CYP4V2: variants seen among roughly 807,000 people sequenced by gnomAD.
CYP4V2 encodes the protein cytochrome P450 family 4 subfamily V member 2.
In CYP4V2, 55 loss-of-function variants were observed where a neutral mutation model predicts 60.8. That is an observed-to-expected ratio of 0.90 (90% confidence interval 0.73 to 1.13). The LOEUF is 1.13. Ranked by LOEUF, CYP4V2 falls within the 50% of genes most tolerant of loss-of-function variation. The pLI, the probability that CYP4V2 is intolerant of heterozygous loss-of-function variation, is 0.00. For missense variants in CYP4V2, 675 were observed against 662.9 expected (o/e 1.02, Z -0.20); for synonymous variants, 239 against 236.8 (o/e 1.01, Z -0.08).
Position 186,195,820 on chromosome 4 carries a change from G to A in CYP4V2, c.328-183G>A, listed in dbSNP as rs530475126. 6.6e-6 allele frequency among the ~76,000 whole-genome samples: 1 copy of A among 152,218 alleles called. No homozygotes were observed. Among genetic ancestry groups the A allele is most frequent in the East Asian group, 1.9e-4 (1 of 5,184 alleles). ...CTCCATTGAGTCCCCAAGACTGAAT[G>A]CCAGTTTTATGTTCAAAACTCTAAC... is the stretch of plus-strand genomic sequence containing the variant. On this transcript the variant is annotated intron_variant, in intron 2 of 10. Coordinates refer to ENST00000378802, the MANE Select transcript of CYP4V2 (RefSeq NM_207352.4). This position sits in a 1 kb window ranked among gnomAD's most constrained non-coding sequence, Gnocchi z 4.1.
intron 8 of CYP4V2, among the ~76,000 whole-genome samples, 167 bp from the exon 9 acceptor site, chr4:186,208,698 A>G (rs553120670): frequency 6.6e-6 from 1 of 151,678 alleles, no homozygotes; most frequent in African/African-American, 2.4e-5. Context: ...TTTGATGGGC[A>G]TTTGATGGGT....
At chr4:186,200,295 A>G (rs1579966908) in intron 6 of CYP4V2, among the ~76,000 whole-genome samples, 2 of 152,294 alleles carry the variant, frequency 1.3e-5, no homozygotes, top group East Asian at 3.9e-4. Context: ...CTGGTAGGAA[A>G]AGAAGGTTGA....
intron 4 of CYP4V2, 42 bp downstream of exon 4, chr4:186,197,172 G>A (rs928525124): frequency 1.6e-5 from 25 of 1,606,420 alleles, no homozygotes; most frequent in Admixed American, 5.0e-5. Flanking sequence ...GGCATAAAGA[G>A]AAAATGGCCC....
chr4:186,211,652 G>C lies in CYP4V2; in HGVS notation c.*1011G>C, dbSNP rs1579979352. On this transcript the variant is annotated 3_prime_UTR_variant, in exon 11 of 11. Coordinates refer to ENST00000378802, the MANE Select transcript of CYP4V2 (RefSeq NM_207352.4). ...TTTTAAAGGTATTCATGGTGACTCA[G>C]GAATACACACATACACACACACACA... 1 of 70,554 alleles carries C rather than the reference G, an allele frequency of 1.4e-5. No homozygotes were observed. Among genetic ancestry groups the C allele is most frequent in the East Asian group, 4.6e-4 (1 of 2,196 alleles). 4.4% of individuals were successfully genotyped at this position (70,554 alleles called of 1,614,324 possible).
intron 10 of CYP4V2, 118 bp from the exon 11 acceptor site, chr4:186,210,351 T>C: frequency 1.5e-6 from 2 of 1,325,646 alleles, no homozygotes; most frequent in Non-Finnish European, 2.1e-6. Flanking sequence ...GCCATTCTGG[T>C]TCTCCTTCCA....
At chr4:186,199,511 T>G (rs1032638458) in intron 6 of CYP4V2, among the ~76,000 whole-genome samples, 3 of 152,172 alleles carry the variant, frequency 2.0e-5, no homozygotes, top group African/African-American at 7.2e-5. Context: ...AGGTGATCTA[T>G]CAACACATAA....
At chr4:186,193,177 C>T (rs1186098153) in intron 1 of CYP4V2, among the ~76,000 whole-genome samples, 1 of 152,176 alleles carries the variant, frequency 6.6e-6, no homozygotes, top group East Asian at 1.9e-4. Context: ...GCAGAGCTAA[C>T]CACCCCTTTT....
At chr4:186,209,051 A>G (rs1246007474) in intron 9 of CYP4V2, 42 bp from the exon 10 acceptor site, 5 of 1,613,952 alleles carry the variant, frequency 3.1e-6, no homozygotes, top group Admixed American at 1.7e-5. Flanking sequence ...TCTAATGTCT[A>G]CCTTGCTCCG....
chr4:186,213,348 T>A lies in CYP4V2; in HGVS notation c.*2707T>A, dbSNP rs1306267214. ...AAATAAATTCTATTTTAGATGCAGGTACTGCATTTTATTCTAAGAATTGAT... is the reference window on the plus strand; with the variant it reads ...AAATAAATTCTATTTTAGATGCAGGAACTGCATTTTATTCTAAGAATTGAT... On this transcript the variant is annotated 3_prime_UTR_variant, in exon 11 of 11. Transcript: ENST00000378802. 3.3e-5 allele frequency: 5 copies of A among 152,230 alleles called. No individual in the cohort carries two copies. The East Asian group carries it at 9.6e-4, about 29-fold the overall frequency. The allele number at this position is 152,230 out of a possible 1,614,324, so 9.4% of individuals were successfully genotyped here.
chr4:186,200,273 T>A (rs938017440), intron 6 of CYP4V2, among the ~76,000 whole-genome samples: 2 of 152,140 alleles, frequency 1.3e-5, no homozygotes, highest in Non-Finnish European at 2.9e-5. Context: ...AGTAGCAGGT[T>A]TGGTCAATTA....
intron 1 of CYP4V2, 66 bp from the exon 2 acceptor site, chr4:186,194,434 C>T: frequency 7.3e-7 from 1 of 1,374,686 alleles, no homozygotes; most frequent in Non-Finnish European, 1.0e-6. Context: ...GAAAACAAAC[C>T]TTTGTCCAAT....
chr4:186,205,095 CAGTGCAGTCAT>C, intron 7 of CYP4V2, 94 bp from the exon 8 acceptor site: 1 of 1,026,026 alleles, frequency 9.7e-7, no homozygotes, highest in Non-Finnish European at 1.5e-6. Context: ...TTTGCAGTCA[CAGTGCAGTCAT>C]CAAATCCAGA....
rs1736691629 is a variant in CYP4V2 at position 186,210,762 on chromosome 4, T to C, written c.*121T>C. On this transcript the variant is annotated 3_prime_UTR_variant, in exon 11 of 11. Coordinates refer to ENST00000378802, the MANE Select transcript of CYP4V2 (RefSeq NM_207352.4). ...GAATCCCCTAGACCTAATTTTTCCTTGATCCCACTGATCTTGACATCAAGT... is the reference window on the plus strand; with the variant it reads ...GAATCCCCTAGACCTAATTTTTCCTCGATCCCACTGATCTTGACATCAAGT... The C allele has an allele frequency of 1.7e-6, 2 of 1,143,250 alleles. No individual in the cohort carries two copies. The highest frequency in any genetic ancestry group is 1.4e-5 in the South Asian group (1 of 72,192). The allele number at this position is 1,143,250 out of a possible 1,614,324, so 70.8% of individuals were successfully genotyped here. A position where few individuals can be genotyped will look rare whatever the true frequency, so the allele number is the denominator to read the frequency against.
rs549798175 is a variant in CYP4V2 at position 186,211,131 on chromosome 4, G to A, written c.*490G>A. The A allele has an allele frequency of 1.0e-4, 16 of 158,274 alleles. No individual in the cohort carries two copies. Among genetic ancestry groups the A allele is most frequent in the African/African-American group, 3.1e-4 (13 of 41,530 alleles). 9.8% of individuals were successfully genotyped at this position (158,274 alleles called of 1,614,324 possible). ...TGGGATTATAGTCGTGAGCCACCAC[G>A]CCTGGCCAGAGTTTTTTATTTTTAT... On this transcript the variant is annotated 3_prime_UTR_variant, in exon 11 of 11. Transcript: ENST00000378802.
At position 186,194,610 on chromosome 4, in the gene CYP4V2, G is replaced by A. The variant is rs747109853; in HGVS notation, c.325G>A (p.Glu109Lys). Reference sequence around the variant, plus strand: ...GGCCCTTTATAATGCAGAAAATGTGGAGGTGGGTACATGTGAATATGATCA... The same window carrying A: ...GGCCCTTTATAATGCAGAAAATGTGAAGGTGGGTACATGTGAATATGATCA... ...MVALYNAENV[E>K]VILTSSKQID... is the part of the protein sequence containing the mutation. Residue 109 changes from glutamate to lysine, a missense_variant and splice_region_variant, in exon 2 of 11, where the codon GAG becomes AAG. Coordinates refer to ENST00000378802, the MANE Select transcript of CYP4V2 (RefSeq NM_207352.4). 7.4e-6 allele frequency: 12 copies of A among 1,612,428 alleles called. No homozygotes were observed. In the South Asian group the frequency reaches 1.3e-4, roughly 18 times the overall value.
chr4:186,205,093 C>T, intron 7 of CYP4V2, 107 bp from the exon 8 acceptor site: 8 of 1,018,170 alleles, frequency 7.9e-6, no homozygotes, highest in South Asian at 7.7e-5. Flanking sequence ...TGTTTGCAGT[C>T]ACAGTGCAGT....
At chr4:186,209,668 C>G (rs577467194) in intron 10 of CYP4V2, among the ~76,000 whole-genome samples, 1 of 152,102 alleles carries the variant, frequency 6.6e-6, no homozygotes, top group African/African-American at 2.4e-5. Context: ...GGGTCTGTGT[C>G]CTGATCTTCT....
chr4:186,192,500 T>G (rs1579960259), intron 1 of CYP4V2: 1 of 318,968 alleles, frequency 3.1e-6, no homozygotes, highest in Non-Finnish European at 6.2e-6. Flanking sequence ...ATCACAAGAC[T>G]TGACTGCTGC....
At position 186,191,682 on chromosome 4, in the gene CYP4V2, C is replaced by A; in HGVS notation, c.-142C>A. The A allele has an allele frequency of 1.3e-6, 1 of 775,892 alleles. No homozygotes were observed. Among genetic ancestry groups the A allele is most frequent in the Non-Finnish European group, 1.7e-6 (1 of 579,710 alleles). 48.1% of individuals were successfully genotyped at this position (775,892 alleles called of 1,614,324 possible). ...CGCCGCCCGGGCGGGAAACGTCGTT[C>A]CGGGGACCGGGCGACCCCGCAGCGG... On this transcript the variant is annotated 5_prime_UTR_variant, in exon 1 of 11. Coordinates refer to ENST00000378802, the MANE Select transcript of CYP4V2 (RefSeq NM_207352.4).
Sources: gnomAD v4.1 joint callset for allele counts (sites outside exome capture counted in the v4.1 genomes callset) on GRCh38, gnomAD v4.1.1 for gene constraint, Gnocchi (gnomAD v3.1) non-coding constraint, MANE v1.5 for transcripts, NCBI Gene and HGNC (gene_info 2026-07-23, HGNC 2026-07-21) for gene names.